Variants in ZNF385B observed in about 807,000 individuals in gnomAD.
The protein encoded by ZNF385B is zinc finger protein 533.
A neutral mutation model predicts 39.2 loss-of-function variants in ZNF385B; 23 were observed. That is an observed-to-expected ratio of 0.59 (90% CI 0.42 to 0.83). The LOEUF is 0.83. ZNF385B is among the 40% of genes least tolerant of loss of function. The probability of loss-of-function intolerance (pLI) is 0.00; values close to 1 mark genes in which losing one functional copy is unlikely to be tolerated. For synonymous variants in ZNF385B, 205 were observed against 222.6 expected, an observed-to-expected ratio of 0.92 and a Z score of 0.70; for missense variants, 552 against 598.9, an observed-to-expected ratio of 0.92 and a Z score of 0.82.
At chr2:179,675,867 A>G (rs1411734038) in intron 3 of ZNF385B, among the ~76,000 whole-genome samples, 1 of 151,430 alleles carries the variant, frequency 6.6e-6, no homozygotes. Context: ...CGCTCATTGC[A>G]ACCTCCGCCT....
chr2:179,775,234 T>C (rs1359963651), intron 1 of ZNF385B, among the ~76,000 whole-genome samples: 1 of 152,216 alleles, frequency 6.6e-6, no homozygotes, highest in Non-Finnish European at 1.5e-5. Context: ...CTATATTTGA[T>C]CCAATTCAAC....
At chr2:179,611,254 A>T (rs917671722) in intron 3 of ZNF385B, among the ~76,000 whole-genome samples, 5 of 152,084 alleles carry the variant, frequency 3.3e-5, no homozygotes, top group Non-Finnish European at 7.4e-5. Flanking sequence ...TCACGAAGAG[A>T]TGTTGAATGT....
At chr2:179,623,100 C>A (rs16866863) in intron 3 of ZNF385B, among the ~76,000 whole-genome samples, 4,691 of 152,232 alleles carry the variant, frequency 0.031, 230 homozygotes, top group African/African-American at 0.1. Flanking sequence ...TTAACTGGAT[C>A]TTCAAACTGG....
At chr2:179,687,508 A>G (rs890664104) in intron 3 of ZNF385B, among the ~76,000 whole-genome samples, 7 of 152,028 alleles carry the variant, frequency 4.6e-5, no homozygotes, top group African/African-American at 1.7e-4. Flanking sequence ...TACCACACTG[A>G]TTTTTTCTCA....
chr2:179,731,323 A>G (rs1279417669), intron 3 of ZNF385B, among the ~76,000 whole-genome samples: 1 of 152,232 alleles, frequency 6.6e-6, no homozygotes, highest in Non-Finnish European at 1.5e-5. Context: ...GGGAGGTAAG[A>G]GAACTTTCCC....
intron 3 of ZNF385B, among the ~76,000 whole-genome samples, chr2:179,630,024 G>C (rs1457589481): frequency 6.6e-6 from 1 of 152,268 alleles, no homozygotes; most frequent in Non-Finnish European, 1.5e-5. Context: ...AGCTCAAACT[G>C]GGCGGAGCCC....
At chr2:179,654,310 A>T (rs1256538220) in intron 3 of ZNF385B, among the ~76,000 whole-genome samples, 2 of 152,158 alleles carry the variant, frequency 1.3e-5, no homozygotes, top group African/African-American at 4.8e-5. Context: ...AAGTTTCATA[A>T]AAGAAGTGAC....
intron 3 of ZNF385B, among the ~76,000 whole-genome samples, chr2:179,572,673 A>G (rs1476786158): frequency 6.6e-6 from 1 of 152,094 alleles, no homozygotes; most frequent in Non-Finnish European, 1.5e-5. Flanking sequence ...GAGAAAGAAC[A>G]CAGAACGAGA....
chr2:179,636,527 G>A (rs1410487745), intron 3 of ZNF385B, among the ~76,000 whole-genome samples: 1 of 152,202 alleles, frequency 6.6e-6, no homozygotes. Flanking sequence ...GCCAGTTGTG[G>A]TTAAAATCCC....
At chr2:179,535,521 C>A (rs1243308451) in intron 4 of ZNF385B, among the ~76,000 whole-genome samples, 1 of 152,088 alleles carries the variant, frequency 6.6e-6, no homozygotes, top group Admixed American at 6.6e-5. Flanking sequence ...TTCTATTCTT[C>A]AATCTTCTGA....
intron 3 of ZNF385B, among the ~76,000 whole-genome samples, chr2:179,640,458 A>G (rs190261421): frequency 5.0e-4 from 76 of 152,266 alleles, no homozygotes; most frequent in Middle Eastern, 6.8e-3. Flanking sequence ...ATGAAACATT[A>G]ATCAACATTC....
At chr2:179,613,423 T>C (rs776004105) in intron 3 of ZNF385B, among the ~76,000 whole-genome samples, 15 of 152,172 alleles carry the variant, frequency 9.9e-5, no homozygotes, top group Non-Finnish European at 2.1e-4. Context: ...AAGTACTACC[T>C]GGGTCACTGC....
intron 6 of ZNF385B, among the ~76,000 whole-genome samples, chr2:179,459,291 G>A (rs1284966630): frequency 1.3e-5 from 2 of 152,172 alleles, no homozygotes; most frequent in Non-Finnish European, 1.5e-5. Context: ...GCCTCTGAGA[G>A]ATGGCAAAGA....
intron 3 of ZNF385B, among the ~76,000 whole-genome samples, chr2:179,548,768 AC>A (rs1448178378): frequency 1.3e-5 from 2 of 149,072 alleles, no homozygotes; most frequent in Non-Finnish European, 3.0e-5. Context: ...CAAGAACAGC[AC>A]GGGAAAAACC....
chr2:179,461,720 T>C (rs1198049306), intron 6 of ZNF385B, among the ~76,000 whole-genome samples: 1 of 152,176 alleles, frequency 6.6e-6, no homozygotes, highest in African/African-American at 2.4e-5. Flanking sequence ...TCTTATTGAC[T>C]TTAAGAACCA....
intron 3 of ZNF385B, among the ~76,000 whole-genome samples, chr2:179,765,582 G>T (rs547880283): frequency 6.6e-6 from 1 of 152,250 alleles, no homozygotes; most frequent in East Asian, 1.9e-4. Flanking sequence ...GTAAAATATT[G>T]TCCTGCCACT....
At chr2:179,814,024 G>C (rs1706900710) in intron 1 of ZNF385B, among the ~76,000 whole-genome samples, 1 of 152,234 alleles carries the variant, frequency 6.6e-6, no homozygotes, top group Non-Finnish European at 1.5e-5. Flanking sequence ...AAATACTCTA[G>C]CTATTTAAAA....
chr2:179,679,703 G>C (rs1697339694), intron 3 of ZNF385B, among the ~76,000 whole-genome samples: 1 of 151,940 alleles, frequency 6.6e-6, no homozygotes, highest in Non-Finnish European at 1.5e-5. Flanking sequence ...CCCATGGCGG[G>C]GTCACTAAGT....
intron 3 of ZNF385B, among the ~76,000 whole-genome samples, chr2:179,703,395 T>C (rs2106368873): frequency 6.6e-6 from 1 of 152,132 alleles, no homozygotes; most frequent in Middle Eastern, 3.4e-3. Context: ...ATACACGCAC[T>C]TCAAAACCCT....
Sources: gnomAD v4.1 joint callset for allele counts (sites outside exome capture counted in the v4.1 genomes callset) on GRCh38, gnomAD v4.1.1 for gene constraint, MANE v1.5 for transcripts, NCBI Gene and HGNC (gene_info 2026-07-23, HGNC 2026-07-21) for gene names.